Variants in DLG1 observed in about 807,000 individuals in gnomAD.
DLG1 encodes disks large homolog 1.
A neutral mutation model predicts 123.4 loss-of-function variants in DLG1; 42 were observed. That is an observed-to-expected ratio of 0.34 (90% CI 0.27 to 0.44). The LOEUF (loss-of-function observed/expected upper bound fraction) is 0.44. DLG1 is among the 20% of genes least tolerant of loss of function. The probability of loss-of-function intolerance (pLI) is 1.00; values close to 1 mark genes in which losing one functional copy is unlikely to be tolerated. For synonymous variants in DLG1, 317 were observed against 356.2 expected (o/e 0.89, Z 1.24); for missense variants, 942 against 1,082.6 (o/e 0.87, Z 1.82).
chr3:197,101,925 A>T (rs1052995224), intron 14 of DLG1, among the ~76,000 whole-genome samples: 1 of 151,990 alleles, frequency 6.6e-6, no homozygotes, highest in Non-Finnish European at 1.5e-5. Context: ...AAAAAACTTT[A>T]AAAAAAGTTT....
At chr3:197,122,807 A>G (rs1777135998) in intron 11 of DLG1, among the ~76,000 whole-genome samples, 1 of 152,126 alleles carries the variant, frequency 6.6e-6, no homozygotes, top group South Asian at 2.1e-4. Context: ...TGGACTGATT[A>G]AGAAACTCAA....
At chr3:197,069,436 A>C (rs1742078393) in intron 18 of DLG1, 176 bp from the exon 19 acceptor site, 2 of 430,220 alleles carry the variant, frequency 4.6e-6, no homozygotes, top group South Asian at 5.0e-5. Flanking sequence ...TAGCAAAGGA[A>C]AACTCCTGTA....
In DLG1 at chr3:197,138,379, A is replaced by G. The variant is rs747508993; in HGVS notation, c.726T>C (p.Cys242=). The change falls in exon 9 of 25, where the codon TGT becomes TGC. Residue 242 remains cysteine, a synonymous_variant. Coordinates refer to ENST00000667157, the MANE Select transcript of DLG1 (RefSeq NM_001366207.1). ...AQDGRLRVND[C]ILRVNEVDVR... ...CATCTACTTCATTTACTCGTAATAT[A>G]CAGTCATTGACCCTGAGAAAACAAT... is the stretch of plus-strand genomic sequence containing the variant. 2 of 1,399,730 alleles carry G rather than the reference A, an allele frequency of 1.4e-6. No individual in the cohort carries two copies. The highest frequency in any genetic ancestry group is 2.7e-5 in the East Asian group (1 of 37,312). 86.7% of individuals were successfully genotyped at this position (1,399,730 alleles called of 1,614,324 possible).
At chr3:197,163,524 ATT>A (rs59011566) in intron 5 of DLG1, among the ~76,000 whole-genome samples, 14 of 140,324 alleles carry the variant, frequency 1.0e-4, no homozygotes, top group Non-Finnish European at 7.8e-5. Flanking sequence ...AATGGGTATG[ATT>A]TTTTTTTTTT....
intron 6 of DLG1, among the ~76,000 whole-genome samples, chr3:197,146,959 AC>A (rs1259718011): frequency 6.6e-6 from 1 of 152,198 alleles, no homozygotes; most frequent in Admixed American, 6.5e-5. Flanking sequence ...CAAGAAAAAA[AC>A]AATCTCATCC....
chr3:197,166,317 T>C (rs1801375863), intron 5 of DLG1, among the ~76,000 whole-genome samples: 1 of 152,154 alleles, frequency 6.6e-6, no homozygotes, highest in Non-Finnish European at 1.5e-5. Flanking sequence ...TGAAGGATAC[T>C]GACAGCAGGT....
chr3:197,118,258 C>T (rs1029907788), intron 12 of DLG1, among the ~76,000 whole-genome samples: 3 of 152,142 alleles, frequency 2.0e-5, no homozygotes, highest in Non-Finnish European at 4.4e-5. Context: ...ATTACAGTTT[C>T]CCTCTTTACG....
At chr3:197,117,824 T>TAC (rs1337912848) in intron 12 of DLG1, among the ~76,000 whole-genome samples, 3 of 152,188 alleles carry the variant, frequency 2.0e-5, no homozygotes, top group Non-Finnish European at 4.4e-5. Flanking sequence ...CAAATTTTGT[T>TAC]ATATATATTT....
chr3:197,273,053 T>C (rs560070150), intron 4 of DLG1, among the ~76,000 whole-genome samples: 7 of 152,278 alleles, frequency 4.6e-5, no homozygotes, highest in African/African-American at 1.7e-4. Flanking sequence ...TGACCTGGTA[T>C]ATTCACAATG....
In DLG1 at chr3:197,157,154, A is replaced by G. The variant is rs116855551; in HGVS notation, c.484-7358T>C. 1.5e-4 allele frequency among the ~76,000 whole-genome samples: 23 copies of G among 152,340 alleles called. No homozygotes were observed. The East Asian group carries it at 4.4e-3, about 29-fold the overall frequency. On this transcript the variant is annotated intron_variant, in intron 5 of 24. Coordinates refer to ENST00000667157, the MANE Select transcript of DLG1 (RefSeq NM_001366207.1). ...ACCACTTGTACTCAACATGACCACT[A>G]GCTGAATAGTTGAAGTTGTTGTCAA...
At chr3:197,084,315 T>A (rs1752890078) in intron 16 of DLG1, among the ~76,000 whole-genome samples, 2 of 121,280 alleles carry the variant, frequency 1.6e-5, no homozygotes, top group African/African-American at 5.6e-5. Context: ...CACTTTTTGT[T>A]GTTTTTTTTT....
chr3:197,087,164 C>T (rs1156449456), intron 15 of DLG1, among the ~76,000 whole-genome samples: 2 of 152,192 alleles, frequency 1.3e-5, no homozygotes, highest in Non-Finnish European at 2.9e-5. Flanking sequence ...CAAGAGTTAA[C>T]CACTATTAGA....
intron 4 of DLG1, among the ~76,000 whole-genome samples, chr3:197,265,118 A>G (rs1455493444): frequency 6.6e-6 from 1 of 152,228 alleles, no homozygotes; most frequent in Non-Finnish European, 1.5e-5. Flanking sequence ...AGTAAGGTAC[A>G]TTTCAAGCCT....
chr3:197,231,384 AC>A (rs1193390656), intron 4 of DLG1, among the ~76,000 whole-genome samples: 1 of 152,196 alleles, frequency 6.6e-6, no homozygotes, highest in African/African-American at 2.4e-5. Context: ...AAAATACCAT[AC>A]AACTGATTAC....
At chr3:197,221,361 A>C (rs1417346181) in intron 4 of DLG1, among the ~76,000 whole-genome samples, 1 of 152,038 alleles carries the variant, frequency 6.6e-6, no homozygotes, top group Non-Finnish European at 1.5e-5. Context: ...TCTACTAAAC[A>C]TACAAAAAAT....
intron 4 of DLG1, among the ~76,000 whole-genome samples, chr3:197,209,903 T>C (rs1410397230): frequency 1.4e-5 from 2 of 146,572 alleles, no homozygotes; most frequent in African/African-American, 4.9e-5. Context: ...ATTTCCCTGG[T>C]TGGAATACTC....
intron 19 of DLG1, among the ~76,000 whole-genome samples, chr3:197,067,531 AAT>A (rs1740424735): frequency 6.6e-6 from 1 of 150,820 alleles, no homozygotes; most frequent in African/African-American, 2.4e-5. Flanking sequence ...AAAAGAAATA[AAT>A]AGTTAAAAAC....
chr3:197,137,620 TA>T (rs1785678931), intron 9 of DLG1, among the ~76,000 whole-genome samples: 1 of 152,110 alleles, frequency 6.6e-6, no homozygotes. Flanking sequence ...AAAAAACTTA[TA>T]AATTTATATA....
At chr3:197,169,337 T>C (rs971453636) in intron 5 of DLG1, among the ~76,000 whole-genome samples, 8 of 152,188 alleles carry the variant, frequency 5.3e-5, no homozygotes, top group African/African-American at 1.9e-4. Flanking sequence ...AAGGGACAAT[T>C]AGGAGTTTAC....
Sources: allele counts gnomAD v4.1 joint callset (sites outside exome capture counted in the v4.1 genomes callset), GRCh38; gene constraint gnomAD v4.1.1; transcripts MANE v1.5; gene names NCBI Gene and HGNC (gene_info 2026-07-23, HGNC 2026-07-21).